The following AGBL4 variants were observed in gnomAD, a reference collection of about 807,000 sequenced individuals.
AGBL4 encodes AGBL carboxypeptidase 4.
In AGBL4, 58 loss-of-function variants were observed where a neutral mutation model predicts 66.4. The observed-to-expected ratio is 0.87, with a 90% CI of 0.71 to 1.09. The LOEUF (loss-of-function observed/expected upper bound fraction) is 1.09. AGBL4 is among the 50% of genes least tolerant of loss of function. The probability of loss-of-function intolerance (pLI) is 0.00; values close to 1 mark genes in which losing one functional copy is unlikely to be tolerated. For synonymous variants in AGBL4, 234 were observed against 222.9 expected (o/e 1.05, Z -0.44); for missense variants, 579 against 631.0 (o/e 0.92, Z 0.88).
chr1:48,604,166 A>T (rs1316675273), intron 9 of AGBL4, among the ~76,000 whole-genome samples: 1 of 151,836 alleles, frequency 6.6e-6, no homozygotes, highest in Non-Finnish European at 1.5e-5. Context: ...ACAAAACAAA[A>T]CACAAAGCAA....
At chr1:48,731,013 G>A (rs1226657723) in intron 6 of AGBL4, among the ~76,000 whole-genome samples, 1 of 152,084 alleles carries the variant, frequency 6.6e-6, no homozygotes, top group Admixed American at 6.5e-5. Flanking sequence ...ATCGGGTAAG[G>A]AACTATTTTA....
chr1:49,148,690 G>T (rs781091677), intron 4 of AGBL4, among the ~76,000 whole-genome samples: 6 of 152,170 alleles, frequency 3.9e-5, no homozygotes, highest in Non-Finnish European at 8.8e-5. Context: ...TCCTCTTCCA[G>T]TGCTGGAGAT....
At chr1:49,524,690 C>G (rs1650522272) in intron 3 of AGBL4, among the ~76,000 whole-genome samples, 1 of 151,970 alleles carries the variant, frequency 6.6e-6, no homozygotes, top group Non-Finnish European at 1.5e-5. Context: ...CCATCCCTCT[C>G]TGCCCAGGAA....
intron 3 of AGBL4, among the ~76,000 whole-genome samples, chr1:49,308,529 A>G (rs1644889339): frequency 6.6e-6 from 1 of 152,104 alleles, no homozygotes; most frequent in African/African-American, 2.4e-5. Context: ...CAGAAAAAAA[A>G]AAGAAATATA....
intron 1 of AGBL4, among the ~76,000 whole-genome samples, chr1:49,867,210 CTT>C (rs1646723204): frequency 6.6e-6 from 1 of 151,952 alleles, no homozygotes; most frequent in Admixed American, 6.6e-5. Context: ...TCCGTGGACT[CTT>C]TTACCTGTGG....
At chr1:49,067,180 C>T (rs987392954) in intron 4 of AGBL4, among the ~76,000 whole-genome samples, 6 of 151,896 alleles carry the variant, frequency 4.0e-5, no homozygotes, top group Middle Eastern at 3.4e-3. Context: ...AGTTGGGCCT[C>T]GAGGAATAGA....
intron 4 of AGBL4, among the ~76,000 whole-genome samples, chr1:49,078,779 A>G (rs1025686568): frequency 3.9e-5 from 6 of 152,082 alleles, no homozygotes; most frequent in African/African-American, 9.7e-5. Context: ...TTTGTCTTCA[A>G]TCTTGCTTTT....
intron 3 of AGBL4, among the ~76,000 whole-genome samples, chr1:49,474,646 A>G (rs909823222): frequency 2.6e-5 from 4 of 151,884 alleles, no homozygotes; most frequent in African/African-American, 9.6e-5. Flanking sequence ...TTGATTTTGT[A>G]TCCTGAGACT....
chr1:49,784,632 A>T (rs1644409994), intron 2 of AGBL4, among the ~76,000 whole-genome samples: 1 of 152,088 alleles, frequency 6.6e-6, no homozygotes, highest in Non-Finnish European at 1.5e-5. Context: ...CAAGTAACAA[A>T]ATTTAAAAAC....
intron 4 of AGBL4, among the ~76,000 whole-genome samples, chr1:49,079,541 C>T (rs1644769953): frequency 6.6e-6 from 1 of 152,122 alleles, no homozygotes; most frequent in Admixed American, 6.5e-5. Flanking sequence ...CCCCCATGAT[C>T]CAATCACCTC....
intron 3 of AGBL4, among the ~76,000 whole-genome samples, chr1:49,473,156 T>C (rs933419146): frequency 2.0e-5 from 3 of 152,138 alleles, no homozygotes; most frequent in Non-Finnish European, 1.5e-5. Context: ...TATTTTCCTT[T>C]GGGTATATAC....
At chr1:48,946,296 T>C (rs992457421) in intron 5 of AGBL4, among the ~76,000 whole-genome samples, 2 of 152,328 alleles carry the variant, frequency 1.3e-5, no homozygotes, top group South Asian at 2.1e-4. Flanking sequence ...CTATGACCCA[T>C]GAACCATTCA....
chr1:48,865,274 G>A (rs1647927529), intron 6 of AGBL4, among the ~76,000 whole-genome samples: 1 of 152,122 alleles, frequency 6.6e-6, no homozygotes, highest in African/African-American at 2.4e-5. Flanking sequence ...ATGATCCAAT[G>A]GTGCTTCCTA....
intron 9 of AGBL4, among the ~76,000 whole-genome samples, chr1:48,630,769 T>C (rs1019241397): frequency 2.6e-5 from 4 of 152,224 alleles, no homozygotes; most frequent in African/African-American, 9.6e-5. Context: ...GATTGCTCCC[T>C]GTGTCATAAC....
chr1:48,717,800 T>A (rs941240849), intron 6 of AGBL4, among the ~76,000 whole-genome samples: 22 of 152,234 alleles, frequency 1.4e-4, no homozygotes, highest in African/African-American at 5.1e-4. Context: ...AAGGACTTGC[T>A]TTTGAATCTT....
At chr1:49,040,417 T>C (rs1364518187) in intron 5 of AGBL4, among the ~76,000 whole-genome samples, 2 of 152,186 alleles carry the variant, frequency 1.3e-5, no homozygotes. Context: ...CAGTTTATCT[T>C]TTAAAAGTTG....
At chr1:49,069,190 A>T (rs1275011190) in intron 4 of AGBL4, among the ~76,000 whole-genome samples, 2 of 152,140 alleles carry the variant, frequency 1.3e-5, no homozygotes, top group African/African-American at 2.4e-5. Context: ...TTGCCTATTC[A>T]GTCTGATGGT....
chr1:49,835,612 T>A (rs1557495906), intron 2 of AGBL4, among the ~76,000 whole-genome samples: 1 of 152,218 alleles, frequency 6.6e-6, no homozygotes, highest in East Asian at 1.9e-4. Flanking sequence ...GATCCTGTCA[T>A]TATGATGCTA....
chr1:49,935,901 A>G (rs749792563), intron 1 of AGBL4, among the ~76,000 whole-genome samples: 90 of 152,186 alleles, frequency 5.9e-4, no homozygotes, highest in Non-Finnish European at 1.0e-3. Flanking sequence ...ACAGAGCAGA[A>G]AAACTGGAAA....
Sources: allele counts gnomAD v4.1 joint callset (sites outside exome capture counted in the v4.1 genomes callset), GRCh38; gene constraint gnomAD v4.1.1; transcripts MANE v1.5; gene names NCBI Gene and HGNC (gene_info 2026-07-23, HGNC 2026-07-21).